PCDH11X: variants seen among roughly 807,000 people sequenced by gnomAD.
PCDH11X encodes the protein protocadherin 11 X-linked, also known as protocadherin-11 X-linked.
Under a neutral mutation model 53.3 loss-of-function variants are expected in PCDH11X, and 18 were observed. The ratio of observed to expected loss-of-function variants is 0.34; its 90% CI spans 0.23 to 0.50. The LOEUF is 0.50. Among genes scored for constraint, PCDH11X ranks in the 20% least tolerant of loss-of-function variants. PCDH11X has a pLI of 0.98. For synonymous variants in PCDH11X, 279 were observed against 393.3 expected, an observed-to-expected ratio of 0.71 and a Z score of 3.44; for missense variants, 570 against 1,032.4, an observed-to-expected ratio of 0.55 and a Z score of 6.14.
intron 6 of PCDH11X, among the ~76,000 whole-genome samples, chrX:92,097,886 TATA>T (rs1283234795): frequency 9.0e-6 from 1 of 110,760 alleles, no homozygotes; most frequent in Admixed American, 9.8e-5. Flanking sequence ...CTAGATTACT[TATA>T]ATACCTAATA....
intron 6 of PCDH11X, among the ~76,000 whole-genome samples, chrX:92,015,138 C>A (rs1242086132): frequency 8.0e-5 from 9 of 111,974 alleles, no homozygotes; most frequent in African/African-American, 2.6e-4. Context: ...AATGCTAACA[C>A]TCATCTGAGG....
intron 7 of PCDH11X, among the ~76,000 whole-genome samples, chrX:92,233,783 AGT>A (rs2067124285): frequency 8.9e-6 from 1 of 112,381 alleles, no homozygotes; most frequent in Admixed American, 9.5e-5. Flanking sequence ...TAAAGGCCAC[AGT>A]GTGTTATGGA....
chrX:92,551,617 A>C (rs774810608), intron 10 of PCDH11X, among the ~76,000 whole-genome samples: 1 of 107,116 alleles, frequency 9.3e-6, no homozygotes, highest in African/African-American at 3.4e-5. Flanking sequence ...GTACTCATGA[A>C]ATTTTTGCCC....
At chrX:92,078,416 G>A (rs191420429) in intron 6 of PCDH11X, among the ~76,000 whole-genome samples, 2 of 111,229 alleles carry the variant, frequency 1.8e-5, no homozygotes, top group East Asian at 5.6e-4. Flanking sequence ...TTAGATGTGT[G>A]TATACAAGTT....
At chrX:92,000,344 C>T (rs1222098121) in intron 6 of PCDH11X, among the ~76,000 whole-genome samples, 4 of 110,789 alleles carry the variant, frequency 3.6e-5, no homozygotes, top group African/African-American at 9.8e-5. Context: ...TTACAGCATA[C>T]GATGAAATAA....
chrX:92,537,969 G>T (rs375432271), intron 10 of PCDH11X, among the ~76,000 whole-genome samples: 8 of 99,891 alleles, frequency 8.0e-5, no homozygotes, highest in Middle Eastern at 5.3e-3. Context: ...CTGTTTTACC[G>T]ATTTGGATGT....
At chrX:92,527,071 A>G (rs1343909634) in intron 10 of PCDH11X, among the ~76,000 whole-genome samples, 2 of 111,500 alleles carry the variant, frequency 1.8e-5, no homozygotes, top group African/African-American at 3.3e-5. Flanking sequence ...AATAAAATCA[A>G]TTGAACTCAG....
At chrX:91,973,462 AAAAAG>A (rs890843851) in intron 6 of PCDH11X, among the ~76,000 whole-genome samples, 8 of 108,905 alleles carry the variant, frequency 7.3e-5, no homozygotes, top group Non-Finnish European at 1.1e-4. Context: ...TAAAAAAAAA[AAAAAG>A]AAAATTGCTG....
At chrX:92,564,860 A>C (rs1349292289) in intron 10 of PCDH11X, among the ~76,000 whole-genome samples, 1 of 110,991 alleles carries the variant, frequency 9.0e-6, no homozygotes. Context: ...AAATATTTGC[A>C]AACTACCCAT....
intron 8 of PCDH11X, among the ~76,000 whole-genome samples, chrX:92,307,912 T>C (rs1159949190): frequency 1.8e-5 from 2 of 108,652 alleles, no homozygotes; most frequent in African/African-American, 3.4e-5. Context: ...ATTTAAAATA[T>C]CCTCAAACAG....
At chrX:92,548,415 C>T (rs760745502) in intron 10 of PCDH11X, among the ~76,000 whole-genome samples, 41 of 111,687 alleles carry the variant, frequency 3.7e-4, no homozygotes, top group African/African-American at 1.2e-3. Flanking sequence ...AAGCAATCCA[C>T]TCGCTTCAGC....
chrX:92,150,815 T>C (rs1156564310), intron 6 of PCDH11X, among the ~76,000 whole-genome samples: 3 of 109,869 alleles, frequency 2.7e-5, no homozygotes, highest in Non-Finnish European at 3.8e-5. Context: ...ATGAGTGGTT[T>C]TGTTAAATTT....
At chrX:92,293,967 T>C (rs1359128421) in intron 8 of PCDH11X, among the ~76,000 whole-genome samples, 1 of 110,536 alleles carries the variant, frequency 9.0e-6, no homozygotes, top group Non-Finnish European at 1.9e-5. Flanking sequence ...AGTGTATAGA[T>C]ATATTGGTTC....
intron 10 of PCDH11X, among the ~76,000 whole-genome samples, chrX:92,607,432 G>A (rs1057309821): frequency 8.1e-5 from 9 of 111,646 alleles, no homozygotes; most frequent in Admixed American, 1.9e-4. Context: ...AATCTATTGA[G>A]ACAGAAAGTA....
At chrX:92,279,891 C>T (rs924247205) in intron 8 of PCDH11X, among the ~76,000 whole-genome samples, 1 of 112,118 alleles carries the variant, frequency 8.9e-6, no homozygotes, top group African/African-American at 3.2e-5. Flanking sequence ...CCTGTACAGT[C>T]ATGTGCCACA....
intron 6 of PCDH11X, among the ~76,000 whole-genome samples, chrX:92,111,509 T>A (rs868759717): frequency 2.0e-3 from 211 of 107,572 alleles, no homozygotes; most frequent in African/African-American, 6.8e-3. Flanking sequence ...CATTTTTTTT[T>A]AATTTTAAGG....
intron 7 of PCDH11X, among the ~76,000 whole-genome samples, chrX:92,257,759 C>T (rs763014916): frequency 9.8e-5 from 11 of 112,532 alleles, no homozygotes; most frequent in African/African-American, 2.3e-4. Context: ...AAGCCTTGGG[C>T]GGATCTGCCC....
intron 6 of PCDH11X, among the ~76,000 whole-genome samples, chrX:91,970,002 G>A (rs181502365): frequency 1.9e-4 from 21 of 109,905 alleles, no homozygotes; most frequent in South Asian, 1.6e-3. Flanking sequence ...GGTTCTTTCC[G>A]GTGGGTTCTT....
chrX:92,058,715 G>A (rs1194047488), intron 6 of PCDH11X, among the ~76,000 whole-genome samples: 2 of 110,092 alleles, frequency 1.8e-5, no homozygotes, highest in Non-Finnish European at 3.8e-5. Flanking sequence ...TAATTCCAGT[G>A]CAGTAATGCA....
Sources: gnomAD v4.1 joint callset for allele counts (sites outside exome capture counted in the v4.1 genomes callset) on GRCh38, gnomAD v4.1.1 for gene constraint, MANE v1.5 for transcripts, NCBI Gene and HGNC (gene_info 2026-07-23, HGNC 2026-07-21) for gene names.